The following SNED1 variants were observed in gnomAD, a reference collection of about 807,000 sequenced individuals.
The protein encoded by SNED1 is sushi, nidogen and EGF like domains 1.
A neutral mutation model predicts 166.7 loss-of-function variants in SNED1; 81 were observed. The ratio of observed to expected loss-of-function variants is 0.49; its 90% CI spans 0.41 to 0.58. The LOEUF is 0.58. SNED1 is among the 20% of genes least tolerant of loss of function. The pLI is 0.00. For missense variants in SNED1, 1,604 were observed against 2,000.2 expected, an observed-to-expected ratio of 0.80 and a Z score of 3.78; for synonymous variants, 762 against 822.0, an observed-to-expected ratio of 0.93 and a Z score of 1.25.
At chr2:241,072,967 G>A (rs371132035) in intron 26 of SNED1, 235 of 431,822 alleles carry the variant, frequency 5.4e-4, no homozygotes, top group African/African-American at 8.5e-4. Flanking sequence ...GAAAGCAACC[G>A]CATCAGCCGT....
At chr2:241,061,133 G>A (rs1164670998) in intron 16 of SNED1, among the ~76,000 whole-genome samples, 1 of 151,606 alleles carries the variant, frequency 6.6e-6, no homozygotes, top group African/African-American at 2.4e-5. Flanking sequence ...TGGGAGAAGA[G>A]ATAAATAGTC....
In SNED1 at chr2:241,063,574, C is replaced by A. The variant is rs769838218; in HGVS notation, c.2372-13C>A. ...TGAGCCAGCAACACCCTTGACACCC[C>A]TTCTCTGTGCAGAGAGGGATGAGTG... On this transcript the variant is annotated splice_polypyrimidine_tract_variant and intron_variant, in intron 17 of 31. Coordinates refer to ENST00000310397, the MANE Select transcript of SNED1 (RefSeq NM_001080437.3). 1 of 1,579,928 alleles carries A rather than the reference C, an allele frequency of 6.3e-7. No homozygotes were observed. Among genetic ancestry groups the A allele is most frequent in the Admixed American group, 1.8e-5 (1 of 56,804 alleles).
Position 241,067,777 on chromosome 2 carries a change from G to A in SNED1, c.3024G>A (p.Val1008=), listed in dbSNP as rs372897798. Residue 1008 remains valine (V), a synonymous_variant, in exon 22 of 32, where the codon GTG becomes GTA. Coordinates refer to ENST00000310397, the MANE Select transcript of SNED1 (RefSeq NM_001080437.3). ...VLLARTRPRP[V]EGFEVTNVTA... is the part of the protein sequence containing the mutation. ...CATTCCCCCTAGGACCCCGCCCTGTGGAAGGCTTCGAGGTCACCAATGTGA... is the reference window on the plus strand; with the variant it reads ...CATTCCCCCTAGGACCCCGCCCTGTAGAAGGCTTCGAGGTCACCAATGTGA... 1.3e-5 allele frequency: 21 copies of A among 1,608,192 alleles called. 1 individual carries two copies. Among genetic ancestry groups the A allele is most frequent in the Non-Finnish European group, 1.0e-5 (12 of 1,175,498 alleles).
intron 5 of SNED1, 87 bp from the exon 6 acceptor site, chr2:241,037,153 C>A: frequency 8.2e-7 from 1 of 1,225,746 alleles, no homozygotes; most frequent in Non-Finnish European, 1.2e-6. Context: ...CTTGCTCCTC[C>A]TCCGTCCCCG....
intron 30 of SNED1, 186 bp from the exon 31 acceptor site, chr2:241,088,179 C>A: frequency 1.7e-6 from 1 of 589,802 alleles, no homozygotes; most frequent in Non-Finnish European, 3.1e-6. Context: ...CTGCCTCAAG[C>A]CAGGCGGGCG....
At chr2:241,032,374 T>C (rs1424279676) in intron 2 of SNED1, among the ~76,000 whole-genome samples, 2 of 151,164 alleles carry the variant, frequency 1.3e-5, no homozygotes, top group African/African-American at 2.4e-5. Flanking sequence ...AATCTACACG[T>C]TCATACTCGG....
intron 1 of SNED1, among the ~76,000 whole-genome samples, chr2:241,020,372 C>T (rs541960543): frequency 1.1e-3 from 161 of 152,360 alleles, no homozygotes; most frequent in African/African-American, 3.7e-3. Context: ...GCCCAGGGGA[C>T]GCCATTGGGC....
intron 29 of SNED1, among the ~76,000 whole-genome samples, chr2:241,082,797 G>C (rs573684967): frequency 6.6e-5 from 10 of 152,346 alleles, no homozygotes; most frequent in African/African-American, 2.4e-4. Flanking sequence ...CTCCAAAATG[G>C]GCTGTGGAGG....
At chr2:241,034,129 A>G (rs1269211544) in intron 3 of SNED1, among the ~76,000 whole-genome samples, 1 of 152,236 alleles carries the variant, frequency 6.6e-6, no homozygotes, top group East Asian at 1.9e-4. Context: ...AACAGCTGCA[A>G]CAGCAACAGA....
chr2:241,025,308 A>C (rs1335966119), intron 1 of SNED1, among the ~76,000 whole-genome samples: 1 of 151,982 alleles, frequency 6.6e-6, no homozygotes, highest in Non-Finnish European at 1.5e-5. Flanking sequence ...CCCCCACCCC[A>C]GTCCATGGAA....
chr2:241,037,214 AG>A, intron 5 of SNED1, 25 bp from the exon 6 acceptor site: 1 of 1,566,082 alleles, frequency 6.4e-7, no homozygotes, highest in South Asian at 1.1e-5. Context: ...CCCGCCGCTG[AG>A]GCCTCAGCCT....
At position 241,020,188 on chromosome 2, in the gene SNED1, A is replaced by G. The variant is rs2060729898; in HGVS notation, c.214-10096A>G. On this transcript the variant is annotated intron_variant, in intron 1 of 31. Transcript: ENST00000310397. ...ATTTGCGATCTGGCCCTTCCCAGAA[A>G]GTCTGCTGGCCCTTGGGCAGACCAC... Among the ~76,000 whole-genome samples the G allele has an allele frequency of 2.0e-5, 3 of 152,390 alleles. No individual in the cohort carries two copies. The South Asian group carries it at 6.2e-4, about 32-fold the overall frequency.
chr2:241,062,359 G>A (rs2062260699), intron 16 of SNED1, among the ~76,000 whole-genome samples: 1 of 152,130 alleles, frequency 6.6e-6, no homozygotes, highest in Non-Finnish European at 1.5e-5. Flanking sequence ...TTTAAATTCA[G>A]GAGCACAACT....
chr2:241,034,703 G>T lies in SNED1; in HGVS notation c.778G>T (p.Val260Leu). 1.9e-6 allele frequency: 3 copies of T among 1,588,940 alleles called. No homozygotes were observed. The highest frequency in any genetic ancestry group is 2.6e-6 in the Non-Finnish European group (3 of 1,168,442). Residue 260 changes from valine to leucine, a missense_variant, in exon 4 of 32, where the codon GTG becomes TTG. By Grantham distance (32) the Val-to-Leu change is conservative. Coordinates refer to ENST00000310397, the MANE Select transcript of SNED1 (RefSeq NM_001080437.3). ...GGCGTTCAGAATCGATGATGCCCAG[G>T]TGCGCGTGGGGGGCTGCGGCCATAC... ...RWAFRIDDAQ[V>L]RVGGCGHTTS... is the part of the protein sequence containing the mutation.
At chr2:241,015,685 C>T (rs2060558689) in intron 1 of SNED1, 1 of 171,452 alleles carries the variant, frequency 5.8e-6, no homozygotes, top group African/African-American at 2.4e-5. Context: ...TGAATCGTCT[C>T]ATAGCGGTGG....
Position 241,083,091 on chromosome 2 carries a change from G to C in SNED1, c.4121+727G>C, listed in dbSNP as rs533503016. On this transcript the variant is annotated intron_variant, in intron 29 of 31. Coordinates refer to ENST00000310397, the MANE Select transcript of SNED1 (RefSeq NM_001080437.3). ...GACAGCAGTGAGAGTGTGGTGTGTG[G>C]TGTGGCAGGTGGTGAGTGCAAAGGG... 2.6e-5 allele frequency among the ~76,000 whole-genome samples: 4 copies of C among 152,352 alleles called. 1 individual carries two copies. In the South Asian group the frequency reaches 8.3e-4, roughly 32 times the overall value.
rs749241132 is a variant in SNED1 at position 241,030,515 on chromosome 2, G to A, written c.445G>A (p.Val149Ile). ...GCTCCTGGACTTCAATGCCACCTGG[G>A]TTTTTGTTGCCACCTGGTACCGAGT... ...PELLDFNATWVFVATWYRVTF... is the reference protein window; with the variant it reads ...PELLDFNATWIFVATWYRVTF... The change falls in exon 2 of 32, where the codon GTT becomes ATT. Residue 149 changes from valine (V) to isoleucine (I), a missense_variant. Around this residue, in one of 2 missense-constraint regions of SNED1, gnomAD observed 1,237 missense variants for 1,620.8 expected, o/e 0.76. Coordinates refer to ENST00000310397, the MANE Select transcript of SNED1 (RefSeq NM_001080437.3). 13 of 1,613,808 alleles carry A rather than the reference G, an allele frequency of 8.1e-6. No homozygotes were observed. The highest frequency in any genetic ancestry group is 1.7e-5 in the Admixed American group (1 of 60,006).
At chr2:241,027,448 A>G (rs1049820964) in intron 1 of SNED1, among the ~76,000 whole-genome samples, 2 of 152,158 alleles carry the variant, frequency 1.3e-5, no homozygotes, top group South Asian at 2.1e-4. Context: ...TTGTTTACCC[A>G]TTCATCCTCA....
intron 1 of SNED1, among the ~76,000 whole-genome samples, chr2:241,007,512 C>T (rs917167387): frequency 3.3e-5 from 5 of 152,168 alleles, no homozygotes; most frequent in African/African-American, 7.2e-5. Context: ...GTCAGGCTTC[C>T]GGAACAGTGC....
Sources: gnomAD v4.1 joint callset for allele counts (sites outside exome capture counted in the v4.1 genomes callset) on GRCh38, gnomAD v4.1.1 for gene constraint, gnomAD v4.1.1 regional missense constraint, MANE v1.5 for transcripts, NCBI Gene and HGNC (gene_info 2026-07-23, HGNC 2026-07-21) for gene names.